IFT88: variants seen among roughly 807,000 people sequenced by gnomAD.
IFT88 encodes the protein intraflagellar transport 88, also known as intraflagellar transport protein 88 homolog.
In IFT88, 74 loss-of-function variants were observed where a neutral mutation model predicts 119.5. The observed-to-expected ratio is 0.62, with a 90% CI of 0.51 to 0.75. The LOEUF (loss-of-function observed/expected upper bound fraction) is 0.75, where lower values mean the gene tolerates loss of function less well. Ranked by LOEUF, IFT88 falls within the 30% of genes least tolerant of loss-of-function variation. IFT88 has a pLI of 0.00. For synonymous variants in IFT88, 279 were observed against 316.7 expected (o/e 0.88, Z 1.26); for missense variants, 961 against 977.7 (o/e 0.98, Z 0.23).
At chr13:20,653,729 G>A (rs966691178) in intron 20 of IFT88, 147 bp from the exon 21 acceptor site, 42 of 452,292 alleles carry the variant, frequency 9.3e-5, no homozygotes, top group South Asian at 1.6e-4. Flanking sequence ...AATACTGAGG[G>A]AAATTATATA....
intron 13 of IFT88, among the ~76,000 whole-genome samples, chr13:20,610,854 G>A (rs960682452): frequency 1.3e-5 from 2 of 152,148 alleles, no homozygotes; most frequent in Non-Finnish European, 2.9e-5. Flanking sequence ...ATATTATACA[G>A]GTGGCCAAGC....
At chr13:20,598,834 T>A (rs1426071623) in intron 10 of IFT88, 81 bp downstream of exon 10, 2 of 810,650 alleles carry the variant, frequency 2.5e-6, no homozygotes, top group Non-Finnish European at 4.2e-6. Context: ...TATGCTTCCT[T>A]AAAATGAAAT....
chr13:20,570,959 T>A (rs939646118), intron 1 of IFT88, among the ~76,000 whole-genome samples: 1 of 152,106 alleles, frequency 6.6e-6, no homozygotes, highest in Admixed American at 6.5e-5. Context: ...AGAAAAAGAT[T>A]AAGCTGAAAA....
intron 14 of IFT88, among the ~76,000 whole-genome samples, chr13:20,621,802 G>C (rs572123183): frequency 5.1e-4 from 78 of 152,158 alleles, no homozygotes; most frequent in African/African-American, 1.8e-3. Context: ...AATTCTGGGG[G>C]TTTTGACAAA....
At chr13:20,629,756 AAAAGCTAACAC>A (rs1267061798) in intron 15 of IFT88, among the ~76,000 whole-genome samples, 2 of 152,228 alleles carry the variant, frequency 1.3e-5, no homozygotes, top group Non-Finnish European at 2.9e-5. Flanking sequence ...CAACCATTAT[AAAAGCTAACAC>A]AGTTACTTTT....
intron 13 of IFT88, among the ~76,000 whole-genome samples, chr13:20,608,510 C>T (rs1053584382): frequency 1.3e-5 from 2 of 152,206 alleles, no homozygotes; most frequent in Admixed American, 6.5e-5. Flanking sequence ...GTCTGCATTC[C>T]AGATAACATT....
At chr13:20,653,746 G>A (rs1418605859) in intron 20 of IFT88, 130 bp from the exon 21 acceptor site, 3 of 488,648 alleles carry the variant, frequency 6.1e-6, no homozygotes, top group Admixed American at 3.8e-5. Flanking sequence ...TATATCTGCT[G>A]TTCTCAATAA....
intron 24 of IFT88, among the ~76,000 whole-genome samples, chr13:20,675,092 G>A (rs2056493047): frequency 6.6e-6 from 1 of 152,052 alleles, no homozygotes; most frequent in Non-Finnish European, 1.5e-5. Context: ...GCCTGATGGT[G>A]TCACAAGCAG....
intron 14 of IFT88, among the ~76,000 whole-genome samples, chr13:20,618,665 AC>A (rs2046022893): frequency 6.6e-6 from 1 of 152,162 alleles, no homozygotes; most frequent in South Asian, 2.1e-4. Flanking sequence ...ATGGGATAGA[AC>A]ATCTATATTT....
chr13:20,604,191 G>T (rs1158409926), intron 12 of IFT88, among the ~76,000 whole-genome samples: 1 of 152,190 alleles, frequency 6.6e-6, no homozygotes, highest in African/African-American at 2.4e-5. Context: ...AGTGACCCAT[G>T]ATCATGCCAC....
At chr13:20,580,772 G>C (rs7325293) in intron 2 of IFT88, among the ~76,000 whole-genome samples, 120,351 of 146,594 alleles carry the variant, frequency 0.82, 49,905 homozygotes, top group East Asian at 1. Context: ...GTAGCCCAGG[G>C]TGGAGTGCAT....
At chr13:20,574,326 A>G in intron 1 of IFT88, 54 bp from the exon 2 acceptor site, 2 of 959,698 alleles carry the variant, frequency 2.1e-6, no homozygotes, top group Non-Finnish European at 3.1e-6. Context: ...CTCAAAAAAT[A>G]TATATATATA....
intron 3 of IFT88, among the ~76,000 whole-genome samples, chr13:20,588,281 T>G (rs1409011040): frequency 6.6e-6 from 1 of 152,114 alleles, no homozygotes; most frequent in Non-Finnish European, 1.5e-5. Flanking sequence ...TTTTTTATAG[T>G]TTTTAGTTCA....
At chr13:20,585,021 C>T (rs1289147944) in intron 3 of IFT88, among the ~76,000 whole-genome samples, 2 of 152,214 alleles carry the variant, frequency 1.3e-5, no homozygotes, top group Non-Finnish European at 1.5e-5. Context: ...GATGAAGTGT[C>T]CTTCTGCTGT....
intron 20 of IFT88, among the ~76,000 whole-genome samples, chr13:20,651,755 G>T (rs2140489739): frequency 6.6e-6 from 1 of 151,916 alleles, no homozygotes; most frequent in East Asian, 1.9e-4. Context: ...TTTATCATAG[G>T]TATGTTTGTA....
intron 7 of IFT88, among the ~76,000 whole-genome samples, chr13:20,595,789 C>G (rs1051999151): frequency 3.3e-5 from 5 of 152,010 alleles, no homozygotes; most frequent in African/African-American, 1.2e-4. Flanking sequence ...CCTGTAATCC[C>G]AGCACTTTGG....
chr13:20,603,927 G>A (rs185749264), intron 12 of IFT88, among the ~76,000 whole-genome samples: 3 of 151,510 alleles, frequency 2.0e-5, no homozygotes, highest in Non-Finnish European at 2.9e-5. Context: ...CAGCCTGGTG[G>A]TGTGCACCTG....
chr13:20,612,811 C>A (rs73431386), intron 13 of IFT88, among the ~76,000 whole-genome samples: 406 of 152,206 alleles, frequency 2.7e-3, no homozygotes, highest in African/African-American at 8.9e-3. Context: ...ACGTTTATAG[C>A]CAGTGGAGGT....
At chr13:20,680,636 G>A (rs569868681) in intron 24 of IFT88, among the ~76,000 whole-genome samples, 6 of 152,182 alleles carry the variant, frequency 3.9e-5, no homozygotes, top group Non-Finnish European at 7.4e-5. Context: ...GGGTGGCTGT[G>A]CCCGACCAGT....
Sources: gnomAD v4.1 joint callset for allele counts (sites outside exome capture counted in the v4.1 genomes callset) on GRCh38, gnomAD v4.1.1 for gene constraint, MANE v1.5 for transcripts, NCBI Gene and HGNC (gene_info 2026-07-23, HGNC 2026-07-21) for gene names.